ZMIZ1: variants seen among roughly 807,000 people sequenced by gnomAD.
ZMIZ1 encodes zinc finger MIZ domain-containing protein 1.
In ZMIZ1, 17 loss-of-function variants were observed where a neutral mutation model predicts 113.9. The observed-to-expected ratio is 0.15, with a 90% confidence interval of 0.10 to 0.22. ZMIZ1 has a LOEUF of 0.22. Among genes scored for constraint, ZMIZ1 ranks in the 10% least tolerant of loss-of-function variants. The pLI, the probability that ZMIZ1 is intolerant of heterozygous loss-of-function variation, is 1.00. For synonymous variants in ZMIZ1, 607 were observed against 603.1 expected, an observed-to-expected ratio of 1.01 and a Z score of -0.09; for missense variants, 1,059 against 1,477.8, an observed-to-expected ratio of 0.72 and a Z score of 4.65.
At chr10:79,178,337 C>T (rs1300306345) in intron 4 of ZMIZ1, among the ~76,000 whole-genome samples, 1 of 152,242 alleles carries the variant, frequency 6.6e-6, no homozygotes, top group South Asian at 2.1e-4. Context: ...CAGTCCCTTA[C>T]TCAGTTGGTC....
At chr10:79,293,273 T>A in intron 11 of ZMIZ1, 108 bp from the exon 12 acceptor site, 1 of 1,412,314 alleles carries the variant, frequency 7.1e-7, no homozygotes. Flanking sequence ...CAGTGCCCCC[T>A]CCCCACTCCT....
chr10:79,236,340 C>T (rs115421663), intron 7 of ZMIZ1, among the ~76,000 whole-genome samples: 1 of 152,212 alleles, frequency 6.6e-6, no homozygotes, highest in Admixed American at 6.5e-5. Flanking sequence ...GTGTGCCGCA[C>T]AGCCAGGCAG....
At chr10:79,103,431 G>A (rs537256492) in intron 1 of ZMIZ1, among the ~76,000 whole-genome samples, 1 of 152,276 alleles carries the variant, frequency 6.6e-6, no homozygotes, top group Non-Finnish European at 1.5e-5. Context: ...AGATCCGCAC[G>A]CGGGGAGGGT....
chr10:79,178,687 C>A (rs1416951029), intron 4 of ZMIZ1, among the ~76,000 whole-genome samples: 1 of 152,222 alleles, frequency 6.6e-6, no homozygotes, highest in Non-Finnish European at 1.5e-5. Context: ...CTGCCCCACC[C>A]CTCCCCCACC....
chr10:79,168,739 T>G (rs928272080), intron 4 of ZMIZ1, among the ~76,000 whole-genome samples: 2 of 152,206 alleles, frequency 1.3e-5, no homozygotes, highest in African/African-American at 4.8e-5. Context: ...TCAGGTCTGC[T>G]TGACTGATGT....
chr10:79,311,615 G>A (rs1855172364), intron 24 of ZMIZ1, among the ~76,000 whole-genome samples: 2 of 151,960 alleles, frequency 1.3e-5, no homozygotes, highest in Admixed American at 1.3e-4. Flanking sequence ...TCTTGTCCGC[G>A]TGTTGTCCAT....
intron 1 of ZMIZ1, among the ~76,000 whole-genome samples, chr10:79,097,957 C>A (rs979447741): frequency 3.3e-5 from 5 of 152,164 alleles, no homozygotes; most frequent in Non-Finnish European, 1.5e-5. Context: ...AGCCTTTGGA[C>A]TTGACTCTGT....
chr10:79,127,119 G>A (rs1407551433), intron 2 of ZMIZ1, among the ~76,000 whole-genome samples: 1 of 152,152 alleles, frequency 6.6e-6, no homozygotes, highest in Admixed American at 6.5e-5. Context: ...CTGGGGACAG[G>A]GAGGGGACAA....
intron 4 of ZMIZ1, among the ~76,000 whole-genome samples, chr10:79,188,442 C>G (rs1249980753): frequency 6.6e-6 from 1 of 152,226 alleles, no homozygotes; most frequent in Non-Finnish European, 1.5e-5. Context: ...TTCAGGCAGG[C>G]TCGTGGCTGG....
chr10:79,125,861 G>A (rs1173388219), intron 2 of ZMIZ1, among the ~76,000 whole-genome samples: 3 of 152,208 alleles, frequency 2.0e-5, no homozygotes, highest in African/African-American at 4.8e-5. Flanking sequence ...CCAACATGGC[G>A]CTTCAGGCTA....
intron 3 of ZMIZ1, among the ~76,000 whole-genome samples, chr10:79,159,283 C>G (rs930278661): frequency 6.6e-6 from 1 of 152,244 alleles, no homozygotes; most frequent in Non-Finnish European, 1.5e-5. Context: ...CCTGAACTCC[C>G]CAGGAGGCCA....
intron 4 of ZMIZ1, among the ~76,000 whole-genome samples, chr10:79,186,367 G>C (rs1847352808): frequency 6.6e-6 from 1 of 152,218 alleles, no homozygotes; most frequent in Non-Finnish European, 1.5e-5. Context: ...GACCCACCGG[G>C]GTTTTTCACC....
At chr10:79,281,099 C>G (rs1455615102) in intron 8 of ZMIZ1, among the ~76,000 whole-genome samples, 4 of 152,210 alleles carry the variant, frequency 2.6e-5, no homozygotes, top group African/African-American at 4.8e-5. Context: ...AGCCTCAGAC[C>G]TGCTTGACCG....
chr10:79,123,735 G>C (rs1299718762), intron 2 of ZMIZ1, among the ~76,000 whole-genome samples: 1 of 152,208 alleles, frequency 6.6e-6, no homozygotes, highest in Non-Finnish European at 1.5e-5. Context: ...CCTGGTGTGT[G>C]GCTTTAGGCT....
At chr10:79,194,834 C>T (rs1000044280) in intron 4 of ZMIZ1, among the ~76,000 whole-genome samples, 7 of 152,212 alleles carry the variant, frequency 4.6e-5, no homozygotes, top group Non-Finnish European at 7.3e-5. Flanking sequence ...CTGCACCAGG[C>T]GCCGCTAAGC....
At chr10:79,212,888 C>T (rs1848581339) in intron 6 of ZMIZ1, among the ~76,000 whole-genome samples, 1 of 152,180 alleles carries the variant, frequency 6.6e-6, no homozygotes, top group Non-Finnish European at 1.5e-5. Flanking sequence ...AGGTGTGAGC[C>T]ACCATACCCA....
At chr10:79,087,618 C>CG (rs1842858222) in intron 1 of ZMIZ1, among the ~76,000 whole-genome samples, 1 of 152,222 alleles carries the variant, frequency 6.6e-6, no homozygotes, top group Non-Finnish European at 1.5e-5. Context: ...GAATAAAAGG[C>CG]ACCCCTGATC....
At chr10:79,308,798 G>A (rs530927317) in intron 23 of ZMIZ1, among the ~76,000 whole-genome samples, 142 of 152,084 alleles carry the variant, frequency 9.3e-4, no homozygotes, top group African/African-American at 3.2e-3. Context: ...CACACCCCCC[G>A]ACACACACAC....
Position 79,307,318 on chromosome 10 carries a change from T to A in ZMIZ1, c.2669-87T>A. On this transcript the variant is annotated intron_variant, in intron 22 of 24. Transcript: ENST00000334512. The stretch of plus-strand genomic sequence containing the variant: ...CCTCGCAAGAGGAAAAGGACTTGGC[T>A]TGTATTTTTACACACTCTCTGTTCC... 1.2e-5 allele frequency: 16 copies of A among 1,373,546 alleles called. No homozygotes were observed. In the South Asian group the frequency reaches 2.0e-4, roughly 17 times the overall value. The allele number at this position is 1,373,546 out of a possible 1,614,324, so 85.1% of individuals were successfully genotyped here.
Sources: allele counts gnomAD v4.1 joint callset (sites outside exome capture counted in the v4.1 genomes callset), GRCh38; gene constraint gnomAD v4.1.1; transcripts MANE v1.5; gene names NCBI Gene and HGNC (gene_info 2026-07-23, HGNC 2026-07-21).